RAD18: variants seen among roughly 807,000 people sequenced by gnomAD.
RAD18 encodes E3 ubiquitin-protein ligase RAD18.
A neutral mutation model predicts 60.4 loss-of-function variants in RAD18; 47 were observed. That is an observed-to-expected ratio of 0.78 (90% CI 0.62 to 0.99). The LOEUF (loss-of-function observed/expected upper bound fraction) is 0.99. Among genes scored for constraint, RAD18 ranks in the 50% least tolerant of loss-of-function variants. The pLI is 0.00. For synonymous variants in RAD18, 225 were observed against 195.5 expected, an observed-to-expected ratio of 1.15 and a Z score of -1.26; for missense variants, 640 against 593.3, an observed-to-expected ratio of 1.08 and a Z score of -0.82.
intron 7 of RAD18, among the ~76,000 whole-genome samples, chr3:8,922,397 C>T (rs1940338772): frequency 6.6e-6 from 1 of 152,184 alleles, no homozygotes; most frequent in Non-Finnish European, 1.5e-5. Flanking sequence ...GGGAGGGGTG[C>T]CTGCCATTGC....
At position 8,947,229 on chromosome 3, in the gene RAD18, T is replaced by A. The variant is rs148941554; in HGVS notation, c.257A>T (p.Asn86Ile). 1 of 1,606,522 alleles carries A rather than the reference T, an allele frequency of 6.2e-7. No individual in the cohort carries two copies. Residue 86 changes from asparagine (N) to isoleucine (I), a missense_variant, in exon 4 of 13, where the codon AAT (asparagine) becomes ATT (isoleucine). Coordinates refer to ENST00000264926, the MANE Select transcript of RAD18 (RefSeq NM_020165.4). ...RILDELVKSL[N>I]FARNHLLQFA... ...CAAAATTAAATCATACCGTGCAAAA[T>A]TCAAGCTTTTTACCAGTTCATCTAA...
chr3:8,918,471 T>C (rs1214947363), intron 7 of RAD18, among the ~76,000 whole-genome samples: 1 of 152,172 alleles, frequency 6.6e-6, no homozygotes, highest in African/African-American at 2.4e-5. Flanking sequence ...ATTAGACTCA[T>C]TTCTCCGCTA....
chr3:8,951,144 C>G (rs1369770661), intron 2 of RAD18, among the ~76,000 whole-genome samples: 2 of 152,152 alleles, frequency 1.3e-5, no homozygotes, highest in African/African-American at 4.8e-5. Context: ...AACTACTTAT[C>G]CTGGAAGATC....
intron 6 of RAD18, among the ~76,000 whole-genome samples, chr3:8,936,948 C>A (rs982990070): frequency 1.1e-4 from 17 of 152,296 alleles, no homozygotes; most frequent in African/African-American, 4.1e-4. Flanking sequence ...CAGGTATAGA[C>A]TGAAAACAAT....
chr3:8,936,367 T>C (rs1356474748), intron 6 of RAD18, among the ~76,000 whole-genome samples: 3 of 152,232 alleles, frequency 2.0e-5, no homozygotes, highest in Non-Finnish European at 4.4e-5. Flanking sequence ...TGGAATATGC[T>C]GTGAGGACTT....
At chr3:8,904,773 G>T (rs1939975508) in intron 9 of RAD18, among the ~76,000 whole-genome samples, 1 of 152,150 alleles carries the variant, frequency 6.6e-6, no homozygotes, top group Non-Finnish European at 1.5e-5. Context: ...ACATAATTTA[G>T]TTAGACCAGG....
chr3:8,948,212 A>C (rs1378489582), intron 3 of RAD18, among the ~76,000 whole-genome samples: 1 of 152,204 alleles, frequency 6.6e-6, no homozygotes, highest in Non-Finnish European at 1.5e-5. Flanking sequence ...ATACCACCAG[A>C]GTTTCTACCA....
chr3:8,889,850 T>C (rs1167826721), intron 12 of RAD18, among the ~76,000 whole-genome samples: 2 of 152,150 alleles, frequency 1.3e-5, no homozygotes, highest in Non-Finnish European at 2.9e-5. Context: ...AGATTTGCAT[T>C]TTGAAAAGAT....
At chr3:8,884,144 T>A (rs1409878544) in intron 12 of RAD18, among the ~76,000 whole-genome samples, 1 of 152,182 alleles carries the variant, frequency 6.6e-6, no homozygotes, top group Non-Finnish European at 1.5e-5. Context: ...GTCCTCACCA[T>A]GACTGCAGAC....
intron 1 of RAD18, among the ~76,000 whole-genome samples, 178 bp from the exon 2 acceptor site, chr3:8,959,179 CATATG>C (rs748636152): frequency 2.0e-5 from 3 of 152,212 alleles, no homozygotes; most frequent in Non-Finnish European, 4.4e-5. Flanking sequence ...AAACTTCTCT[CATATG>C]ACTCTTATAC....
chr3:8,933,683 A>G (rs1940600637), intron 7 of RAD18, among the ~76,000 whole-genome samples: 1 of 152,230 alleles, frequency 6.6e-6, no homozygotes, highest in South Asian at 2.1e-4. Context: ...AACATTACTG[A>G]CAAAAATCAA....
Position 8,941,488 on chromosome 3 carries a change from T to C in RAD18, c.583A>G (p.Thr195Ala), listed in dbSNP as rs777993594. ...AKRPEPPSTS[T>A]LKQVTKVDCP... ...CTACCTTTAGTAACTTGTTTCAAAG[T>C]GGATGTCGAGGGTGGCTCAGGACGC... Residue 195 changes from threonine to alanine, a missense_variant, in exon 5 of 13, where the codon ACT becomes GCT. Coordinates refer to ENST00000264926, the MANE Select transcript of RAD18 (RefSeq NM_020165.4). 1.9e-6 allele frequency: 3 copies of C among 1,607,372 alleles called. No homozygotes were observed. The African/African-American group carries it at 4.0e-5, about 22-fold the overall frequency.
intron 11 of RAD18, among the ~76,000 whole-genome samples, chr3:8,891,804 A>G (rs1267422710): frequency 6.6e-6 from 1 of 152,242 alleles, no homozygotes; most frequent in African/African-American, 2.4e-5. Context: ...CTGCTGTTCC[A>G]ATTCTAGTCA....
chr3:8,877,195 C>A lies in RAD18; in HGVS notation c.*4162G>T, dbSNP rs250401. ...GAAGAAAATACCACAGTCTGGGTAA[C>A]TTATAGACAATAGAAATTTATTTCT... On this transcript the variant is annotated 3_prime_UTR_variant, in exon 13 of 13. Transcript: ENST00000264926. 0.54 allele frequency: 82,157 copies of A among 152,586 alleles called. 25,453 individuals carry two copies. Among genetic ancestry groups the A allele is most frequent in the Middle Eastern group, 0.72 (212 of 294 alleles). 9.5% of individuals were successfully genotyped at this position (152,586 alleles called of 1,614,324 possible). A position where few individuals can be genotyped will look rare whatever the true frequency, so the allele number is the denominator to read the frequency against.
chr3:8,904,017 T>C (rs1051491486), intron 9 of RAD18, among the ~76,000 whole-genome samples: 10 of 152,218 alleles, frequency 6.6e-5, no homozygotes, highest in Non-Finnish European at 1.0e-4. Context: ...CTGTATGTTG[T>C]AGATAACTGA....
chr3:8,944,935 G>A (rs186885098), intron 4 of RAD18, among the ~76,000 whole-genome samples: 14 of 152,252 alleles, frequency 9.2e-5, no homozygotes, highest in Admixed American at 4.6e-4. Context: ...CACCAGCTCT[G>A]CATCTGTGGA....
chr3:8,878,877 C>T lies in RAD18; in HGVS notation c.*2480G>A, dbSNP rs1302978031. 1.3e-5 allele frequency: 2 copies of T among 152,126 alleles called. No homozygotes were observed. Among genetic ancestry groups the T allele is most frequent in the Non-Finnish European group, 2.9e-5 (2 of 68,032 alleles). 9.4% of individuals were successfully genotyped at this position (152,126 alleles called of 1,614,324 possible). On this transcript the variant is annotated 3_prime_UTR_variant, in exon 13 of 13. Coordinates refer to ENST00000264926, the MANE Select transcript of RAD18 (RefSeq NM_020165.4). The stretch of plus-strand genomic sequence containing the variant: ...GAGGAGGTAGAAAGAGTTAATAACT[C>T]TGAATTACTGTAAGTTTGGTGAGAA...
intron 7 of RAD18, among the ~76,000 whole-genome samples, chr3:8,931,212 T>C (rs1286139379): frequency 6.6e-6 from 1 of 152,146 alleles, no homozygotes; most frequent in Non-Finnish European, 1.5e-5. Flanking sequence ...AAATGACTCT[T>C]TAAAATAGTA....
At chr3:8,939,332 C>T (rs1940704380) in intron 6 of RAD18, among the ~76,000 whole-genome samples, 1 of 152,048 alleles carries the variant, frequency 6.6e-6, no homozygotes, top group African/African-American at 2.4e-5. Flanking sequence ...AATTTAGTAG[C>T]AGTTCAAATA....
Sources: gnomAD v4.1 joint callset for allele counts (sites outside exome capture counted in the v4.1 genomes callset) on GRCh38, gnomAD v4.1.1 for gene constraint, MANE v1.5 for transcripts, NCBI Gene and HGNC (gene_info 2026-07-23, HGNC 2026-07-21) for gene names.